The following CABCOCO1 variants were observed in gnomAD, a reference collection of about 807,000 sequenced individuals.
The protein encoded by CABCOCO1 is ciliary associated calcium binding coiled-coil 1.
In CABCOCO1, 28 loss-of-function variants were observed where a neutral mutation model predicts 35.7. That is an observed-to-expected ratio of 0.78 (90% CI 0.58 to 1.07). The LOEUF (loss-of-function observed/expected upper bound fraction) is 1.07. Ranked by LOEUF, CABCOCO1 falls within the 50% of genes least tolerant of loss-of-function variation. The probability of loss-of-function intolerance (pLI) is 0.00; values close to 1 mark genes in which losing one functional copy is unlikely to be tolerated. For synonymous variants in CABCOCO1, 95 were observed against 100.1 expected (o/e 0.95, Z 0.30); for missense variants, 326 against 309.2 (o/e 1.05, Z -0.41).
At chr10:61,740,569 T>A (rs1841527519) in intron 5 of CABCOCO1, among the ~76,000 whole-genome samples, 2 of 152,246 alleles carry the variant, frequency 1.3e-5, no homozygotes. Flanking sequence ...AAACATTTTA[T>A]TCAGTAAATT....
intron 5 of CABCOCO1, among the ~76,000 whole-genome samples, chr10:61,757,627 C>T (rs1564557870): frequency 1.3e-5 from 2 of 151,686 alleles, no homozygotes; most frequent in Admixed American, 1.3e-4. Context: ...TTTCACTCCA[C>T]CAAAGAAATG....
chr10:61,756,073 A>AT (rs1841891521), intron 5 of CABCOCO1, among the ~76,000 whole-genome samples: 3 of 151,978 alleles, frequency 2.0e-5, no homozygotes, highest in Admixed American at 1.3e-4. Flanking sequence ...AACGACCTTG[A>AT]TTTTTTAAGA....
In CABCOCO1 at chr10:61,729,798, T is replaced by G. The variant is rs79413468; in HGVS notation, c.553-30261T>G. 2.6e-5 allele frequency among the ~76,000 whole-genome samples: 4 copies of G among 152,246 alleles called. No homozygotes were observed. In the East Asian group the frequency reaches 7.7e-4, roughly 29 times the overall value. ...ACTCAGCCTTTAAAAAGAAGGCAAT[T>G]GTGCAATATGGACAGCATGGATAAA... On this transcript the variant is annotated intron_variant, in intron 5 of 7. Coordinates refer to ENST00000648843, the MANE Select transcript of CABCOCO1 (RefSeq NM_001366906.2).
chr10:61,712,685 G>A (rs1353588354), intron 5 of CABCOCO1, among the ~76,000 whole-genome samples: 2 of 152,130 alleles, frequency 1.3e-5, no homozygotes, highest in African/African-American at 4.8e-5. Flanking sequence ...TTATGTATAA[G>A]GTGTAATTAA....
intron 5 of CABCOCO1, among the ~76,000 whole-genome samples, chr10:61,757,177 A>T (rs1439424368): frequency 1.3e-5 from 2 of 151,684 alleles, no homozygotes; most frequent in Non-Finnish European, 2.9e-5. Context: ...ATTTAAACGT[A>T]TTTTCTGGCT....
At chr10:61,719,043 C>T (rs556520929) in intron 5 of CABCOCO1, among the ~76,000 whole-genome samples, 1 of 152,268 alleles carries the variant, frequency 6.6e-6, no homozygotes, top group Non-Finnish European at 1.5e-5. Flanking sequence ...CATTAGGTTG[C>T]ATAAATCACT....
At chr10:61,738,970 C>T (rs10994905) in intron 5 of CABCOCO1, among the ~76,000 whole-genome samples, 106,253 of 152,054 alleles carry the variant, frequency 0.7, 38,073 homozygotes, top group Middle Eastern at 0.89. Context: ...TTGCTAATTA[C>T]AAGTGAGTTT....
chr10:61,700,924 T>C (rs1306321409), intron 5 of CABCOCO1, among the ~76,000 whole-genome samples: 1 of 150,960 alleles, frequency 6.6e-6, no homozygotes, highest in Non-Finnish European at 1.5e-5. Context: ...CATCTGTGTA[T>C]GTATATGTAT....
At chr10:61,686,981 A>C (rs899323885) in intron 4 of CABCOCO1, among the ~76,000 whole-genome samples, 2 of 152,206 alleles carry the variant, frequency 1.3e-5, no homozygotes, top group Non-Finnish European at 2.9e-5. Flanking sequence ...CTTGTACTAT[A>C]TACTCCAGTG....
chr10:61,743,251 T>A (rs1363284306), intron 5 of CABCOCO1, among the ~76,000 whole-genome samples: 1 of 152,218 alleles, frequency 6.6e-6, no homozygotes, highest in Non-Finnish European at 1.5e-5. Context: ...CTTGGACATA[T>A]GGAAAATAAA....
At chr10:61,664,327 T>A (rs1246845877) in intron 1 of CABCOCO1, among the ~76,000 whole-genome samples, 2 of 152,206 alleles carry the variant, frequency 1.3e-5, no homozygotes, top group Admixed American at 1.3e-4. Flanking sequence ...AGTGTACACA[T>A]ACATATGCTC....
At chr10:61,668,983 G>T in intron 1 of CABCOCO1, among the ~76,000 whole-genome samples, 1 of 131,616 alleles carries the variant, frequency 7.6e-6, no homozygotes. Context: ...GCACAGCACT[G>T]CTCCTGCTCC....
intron 5 of CABCOCO1, among the ~76,000 whole-genome samples, chr10:61,740,015 G>A (rs907867579): frequency 2.0e-4 from 30 of 152,192 alleles, no homozygotes; most frequent in African/African-American, 7.2e-4. Flanking sequence ...GAGAAGCTAA[G>A]ACAAACCAAA....
At chr10:61,693,208 C>A (rs1408324558) in intron 5 of CABCOCO1, among the ~76,000 whole-genome samples, 1 of 152,060 alleles carries the variant, frequency 6.6e-6, no homozygotes. Flanking sequence ...AAGAATTAGG[C>A]CACTCATGGC....
intron 2 of CABCOCO1, among the ~76,000 whole-genome samples, 167 bp from the exon 3 acceptor site, chr10:61,680,976 T>C (rs2131976580): frequency 6.6e-6 from 1 of 151,604 alleles, no homozygotes; most frequent in African/African-American, 2.4e-5. Context: ...TCGTTCTCTC[T>C]CTCTCTGTTT....
At chr10:61,739,192 C>A (rs1028520418) in intron 5 of CABCOCO1, among the ~76,000 whole-genome samples, 1 of 152,116 alleles carries the variant, frequency 6.6e-6, no homozygotes, top group Non-Finnish European at 1.5e-5. Flanking sequence ...TAACTCATTA[C>A]AAAAGTGGAT....
chr10:61,745,176 A>C (rs1464305815), intron 5 of CABCOCO1, among the ~76,000 whole-genome samples: 4 of 152,170 alleles, frequency 2.6e-5, no homozygotes, highest in Non-Finnish European at 5.9e-5. Context: ...TAAATGTTTT[A>C]AGTAAAAATA....
chr10:61,672,167 T>C (rs1197697234), intron 1 of CABCOCO1, among the ~76,000 whole-genome samples: 1 of 152,222 alleles, frequency 6.6e-6, no homozygotes, highest in Non-Finnish European at 1.5e-5. Flanking sequence ...CTCCTGTCTA[T>C]AGAGTTTCCT....
intron 7 of CABCOCO1, among the ~76,000 whole-genome samples, chr10:61,761,916 G>A (rs1281100737): frequency 6.6e-6 from 1 of 152,032 alleles, no homozygotes; most frequent in African/African-American, 2.4e-5. Flanking sequence ...TTAATGATTT[G>A]GTGCCAACAG....
Sources: allele counts gnomAD v4.1 joint callset (sites outside exome capture counted in the v4.1 genomes callset), GRCh38; gene constraint gnomAD v4.1.1; transcripts MANE v1.5; gene names NCBI Gene and HGNC (gene_info 2026-07-23, HGNC 2026-07-21).